Variants in DPYD observed in about 807,000 individuals in gnomAD.
DPYD encodes dihydropyrimidine dehydrogenase [NADP(+)].
DPYD carries 109 observed loss-of-function variants against 116.2 expected under a neutral mutation model. The observed-to-expected ratio is 0.94, with a 90% CI of 0.80 to 1.10. The LOEUF (loss-of-function observed/expected upper bound fraction) is 1.10, where lower values mean the gene tolerates loss of function less well. DPYD is among the 50% of genes least tolerant of loss of function. The probability of loss-of-function intolerance (pLI) is 0.00; values close to 1 mark genes in which losing one functional copy is unlikely to be tolerated. For synonymous variants in DPYD, 440 were observed against 432.0 expected, an observed-to-expected ratio of 1.02 and a Z score of -0.23; for missense variants, 1,302 against 1,254.5, an observed-to-expected ratio of 1.04 and a Z score of -0.57.
At chr1:97,116,541 AT>A (rs995515128) in intron 20 of DPYD, among the ~76,000 whole-genome samples, 1 of 151,974 alleles carries the variant, frequency 6.6e-6, no homozygotes, top group Non-Finnish European at 1.5e-5. Flanking sequence ...GTGTGGTGGC[AT>A]GCACCTGTAG....
chr1:97,742,981 C>A (rs868546296), intron 3 of DPYD, among the ~76,000 whole-genome samples: 2 of 152,050 alleles, frequency 1.3e-5, no homozygotes, highest in South Asian at 4.1e-4. Context: ...TGAATAATAA[C>A]ACAATTAAAA....
chr1:97,758,478 C>T (rs1412182443), intron 3 of DPYD, among the ~76,000 whole-genome samples: 2 of 152,066 alleles, frequency 1.3e-5, no homozygotes, highest in Non-Finnish European at 2.9e-5. Flanking sequence ...GTTGAGGCCT[C>T]TCCTAAAATT....
At chr1:97,380,827 C>T (rs375325924) in intron 15 of DPYD, among the ~76,000 whole-genome samples, 32 of 152,166 alleles carry the variant, frequency 2.1e-4, no homozygotes, top group African/African-American at 7.0e-4. Context: ...CTGTTTTAAC[C>T]GGTTTTGAAG....
chr1:97,125,199 TCCC>T, intron 20 of DPYD, among the ~76,000 whole-genome samples: 1 of 152,016 alleles, frequency 6.6e-6, no homozygotes, highest in East Asian at 1.9e-4. Flanking sequence ...TTTAAAATAA[TCCC>T]CCATTTTTGA....
chr1:97,135,628 C>T (rs1653728318), intron 20 of DPYD, among the ~76,000 whole-genome samples: 1 of 152,054 alleles, frequency 6.6e-6, no homozygotes, highest in Non-Finnish European at 1.5e-5. Context: ...GCCTGTGTTC[C>T]TCATTTGACC....
intron 15 of DPYD, 45 bp downstream of exon 15, chr1:97,382,348 T>C (rs370281652): frequency 4.8e-5 from 57 of 1,193,574 alleles, no homozygotes; most frequent in Non-Finnish European, 6.0e-5. Context: ...CTAATAAAAA[T>C]AGGAGAGAAG....
At chr1:97,477,830 C>G (rs1172405516) in intron 13 of DPYD, among the ~76,000 whole-genome samples, 2 of 151,884 alleles carry the variant, frequency 1.3e-5, no homozygotes, top group African/African-American at 4.8e-5. Context: ...CCTTGTTAGC[C>G]AGGATGGTCT....
chr1:97,497,083 T>C (rs2101919173), intron 13 of DPYD, among the ~76,000 whole-genome samples: 1 of 152,018 alleles, frequency 6.6e-6, no homozygotes, highest in East Asian at 1.9e-4. Flanking sequence ...TCTGTGCTAT[T>C]ATATCTAGAA....
intron 20 of DPYD, among the ~76,000 whole-genome samples, chr1:97,107,712 AG>A: frequency 6.6e-6 from 1 of 152,030 alleles, no homozygotes; most frequent in Non-Finnish European, 1.5e-5. Context: ...ATAAAGACTA[AG>A]TAACTTGCTA....
chr1:97,269,414 C>T (rs549087579), intron 18 of DPYD, among the ~76,000 whole-genome samples: 1 of 152,230 alleles, frequency 6.6e-6, no homozygotes, highest in African/African-American at 2.4e-5. Context: ...CTGTTCTAGC[C>T]TCTACCCGTT....
chr1:97,483,005 C>T (rs527849533), intron 13 of DPYD, among the ~76,000 whole-genome samples: 1 of 152,262 alleles, frequency 6.6e-6, no homozygotes, highest in African/African-American at 2.4e-5. Context: ...CACTCTCACC[C>T]CAACTTAAAT....
intron 16 of DPYD, among the ~76,000 whole-genome samples, chr1:97,310,532 A>C (rs894601926): frequency 4.0e-5 from 6 of 151,822 alleles, no homozygotes; most frequent in African/African-American, 1.4e-4. Flanking sequence ...CAGGCAGTCA[A>C]CTGTTCCAGG....
intron 16 of DPYD, among the ~76,000 whole-genome samples, chr1:97,350,240 TA>T (rs1670074713): frequency 6.6e-6 from 1 of 152,102 alleles, no homozygotes; most frequent in South Asian, 2.1e-4. Context: ...ATATAGCTGG[TA>T]AGGAGGAACA....
rs933616304 is a variant in DPYD at position 97,862,040 on chromosome 1, T to C, written c.150+21224A>G. ...GAAGTGTAGATCCTAAAATCCTTACTATTATTTAATCACTGACTTAGAAAA... is the reference window on the plus strand; with the variant it reads ...GAAGTGTAGATCCTAAAATCCTTACCATTATTTAATCACTGACTTAGAAAA... On this transcript the variant is annotated intron_variant, in intron 2 of 22. Coordinates refer to ENST00000370192, the MANE Select transcript of DPYD (RefSeq NM_000110.4). Among the ~76,000 whole-genome samples, 3 of 151,836 alleles carry C rather than the reference T, an allele frequency of 2.0e-5. 1 individual carries two copies. Among genetic ancestry groups the C allele is most frequent in the Non-Finnish European group, 1.5e-5 (1 of 67,846 alleles).
At chr1:97,225,034 T>C (rs1189793327) in intron 19 of DPYD, among the ~76,000 whole-genome samples, 3 of 151,712 alleles carry the variant, frequency 2.0e-5, no homozygotes, top group Non-Finnish European at 4.4e-5. Context: ...TCTATCTATC[T>C]ATCTATCTAT....
At chr1:97,313,427 C>T (rs187528160) in intron 16 of DPYD, among the ~76,000 whole-genome samples, 54 of 151,772 alleles carry the variant, frequency 3.6e-4, no homozygotes, top group African/African-American at 1.2e-3. Flanking sequence ...GAGACAAATG[C>T]ATACAACAAA....
chr1:97,515,335 C>A (rs1648136418), intron 13 of DPYD, among the ~76,000 whole-genome samples: 1 of 151,842 alleles, frequency 6.6e-6, no homozygotes, highest in African/African-American at 2.4e-5. Context: ...CAATAAGTTA[C>A]ACTGAGATTC....
At chr1:97,385,468 T>C (rs1164466655) in intron 14 of DPYD, among the ~76,000 whole-genome samples, 2 of 151,068 alleles carry the variant, frequency 1.3e-5, no homozygotes, top group South Asian at 2.1e-4. Context: ...TAGATACTAG[T>C]TACCCTGTGG....
intron 2 of DPYD, among the ~76,000 whole-genome samples, chr1:97,862,936 T>C (rs928531896): frequency 1.3e-5 from 2 of 151,898 alleles, no homozygotes; most frequent in Non-Finnish European, 2.9e-5. Flanking sequence ...CAATCTCGAA[T>C]ATCTACTAGG....
Sources: allele counts gnomAD v4.1 joint callset (sites outside exome capture counted in the v4.1 genomes callset), GRCh38; gene constraint gnomAD v4.1.1; transcripts MANE v1.5; gene names NCBI Gene and HGNC (gene_info 2026-07-23, HGNC 2026-07-21).